JPH1: variants seen among roughly 807,000 people sequenced by gnomAD.
JPH1 encodes the protein junctophilin-1.
Under a neutral mutation model 53.6 loss-of-function variants are expected in JPH1, and 12 were observed. That is an observed-to-expected ratio of 0.22 (90% CI 0.14 to 0.36). The LOEUF is 0.36. JPH1 is among the 10% of genes least tolerant of loss of function. The pLI, the probability that JPH1 is intolerant of heterozygous loss-of-function variation, is 1.00. For synonymous variants in JPH1, 375 were observed against 363.8 expected (o/e 1.03, Z -0.35); for missense variants, 808 against 905.5 (o/e 0.89, Z 1.38).
intron 2 of JPH1, among the ~76,000 whole-genome samples, chr8:74,287,912 A>G (rs1440429862): frequency 6.6e-6 from 1 of 152,148 alleles, no homozygotes. Context: ...AAGAGAAAAC[A>G]TCTATGTCGT....
intron 2 of JPH1, among the ~76,000 whole-genome samples, chr8:74,305,866 T>C (rs1807816343): frequency 6.6e-6 from 1 of 152,242 alleles, no homozygotes; most frequent in Non-Finnish European, 1.5e-5. Flanking sequence ...CCTTCCCATT[T>C]ATTATGGCCT....
intron 2 of JPH1, among the ~76,000 whole-genome samples, chr8:74,261,008 A>G (rs1213326280): frequency 2.0e-5 from 3 of 152,196 alleles, no homozygotes; most frequent in African/African-American, 7.2e-5. Context: ...CTTCCTTAGG[A>G]AAAGCTGGGT....
At chr8:74,272,732 T>C (rs545512790) in intron 2 of JPH1, among the ~76,000 whole-genome samples, 22 of 152,042 alleles carry the variant, frequency 1.4e-4, no homozygotes, top group Admixed American at 1.0e-3. Context: ...GCCTCCCGTG[T>C]AGCTGGGACT....
chr8:74,310,222 G>C (rs1807951827), intron 2 of JPH1, among the ~76,000 whole-genome samples: 1 of 151,090 alleles, frequency 6.6e-6, no homozygotes, highest in African/African-American at 2.4e-5. Context: ...AGCAGTCTCA[G>C]TAGCTTCTAG....
chr8:74,271,266 C>T (rs1221602385), intron 2 of JPH1, among the ~76,000 whole-genome samples: 3 of 151,626 alleles, frequency 2.0e-5, no homozygotes, highest in African/African-American at 7.3e-5. Context: ...GGCCCACCCT[C>T]CCCCTTGTTG....
At chr8:74,273,003 C>T (rs1806750709) in intron 2 of JPH1, among the ~76,000 whole-genome samples, 1 of 152,184 alleles carries the variant, frequency 6.6e-6, no homozygotes, top group South Asian at 2.1e-4. Flanking sequence ...AACAGTTTGT[C>T]TATCTTGGCT....
chr8:74,280,168 T>G (rs1355689360), intron 2 of JPH1, among the ~76,000 whole-genome samples: 1 of 152,208 alleles, frequency 6.6e-6, no homozygotes. Flanking sequence ...TAACTGTAGA[T>G]TGCAAAGTCT....
At chr8:74,240,066 GCT>G (rs901578811) in intron 4 of JPH1, among the ~76,000 whole-genome samples, 2 of 152,050 alleles carry the variant, frequency 1.3e-5, no homozygotes, top group African/African-American at 4.8e-5. Context: ...CTGCCTCCTG[GCT>G]TCAAGTGATT....
chr8:74,242,180 A>G (rs1254218116), intron 4 of JPH1, among the ~76,000 whole-genome samples: 1 of 152,176 alleles, frequency 6.6e-6, no homozygotes, highest in Non-Finnish European at 1.5e-5. Flanking sequence ...CTGTATTTCT[A>G]GGAGATCAAT....
chr8:74,259,342 A>T, intron 3 of JPH1, 43 bp downstream of exon 3: 1 of 1,411,340 alleles, frequency 7.1e-7, no homozygotes, highest in Non-Finnish European at 1.0e-6. Flanking sequence ...AGCAAGCCAA[A>T]GCCAGTGCTC....
chr8:74,240,469 G>A (rs1206139930), intron 4 of JPH1, among the ~76,000 whole-genome samples: 1 of 151,578 alleles, frequency 6.6e-6, no homozygotes, highest in Non-Finnish European at 1.5e-5. Context: ...GAGTGTGATC[G>A]CTTTAATTTT....
intron 2 of JPH1, among the ~76,000 whole-genome samples, chr8:74,298,332 C>A (rs886554433): frequency 2.0e-5 from 3 of 152,182 alleles, no homozygotes; most frequent in East Asian, 1.9e-4. Context: ...TTGTTGTATA[C>A]AAGATGGGTT....
At chr8:74,265,124 GAATA>G (rs939623517) in intron 2 of JPH1, among the ~76,000 whole-genome samples, 141 of 152,228 alleles carry the variant, frequency 9.3e-4, no homozygotes, top group African/African-American at 3.2e-3. Flanking sequence ...TTGGAAAGCA[GAATA>G]AATAAATGAA....
intron 3 of JPH1, among the ~76,000 whole-genome samples, chr8:74,246,645 A>G (rs1805870744): frequency 6.6e-6 from 1 of 152,224 alleles, no homozygotes; most frequent in Admixed American, 6.5e-5. Context: ...AGAAAAAAAC[A>G]TAATGCAACA....
At chr8:74,282,629 G>A (rs538572896) in intron 2 of JPH1, among the ~76,000 whole-genome samples, 1 of 152,314 alleles carries the variant, frequency 6.6e-6, no homozygotes, top group South Asian at 2.1e-4. Context: ...GAAGTAGAGA[G>A]TAAAATAGTG....
At chr8:74,256,419 C>G in intron 3 of JPH1, among the ~76,000 whole-genome samples, 1 of 151,728 alleles carries the variant, frequency 6.6e-6, no homozygotes, top group East Asian at 1.9e-4. Flanking sequence ...GGAGGGATAG[C>G]ATTAGGAGAT....
intron 2 of JPH1, among the ~76,000 whole-genome samples, chr8:74,296,782 T>C (rs1019607491): frequency 1.3e-5 from 2 of 152,198 alleles, no homozygotes; most frequent in Non-Finnish European, 2.9e-5. Context: ...TTATAGCGTA[T>C]AACGTGATGC....
At chr8:74,297,260 A>G (rs752762188) in intron 2 of JPH1, among the ~76,000 whole-genome samples, 1 of 152,236 alleles carries the variant, frequency 6.6e-6, no homozygotes, top group African/African-American at 2.4e-5. Flanking sequence ...CCTCTCAAGC[A>G]GGGACTTGCC....
At chr8:74,260,099 C>T (rs901535183) in intron 2 of JPH1, among the ~76,000 whole-genome samples, 3 of 152,174 alleles carry the variant, frequency 2.0e-5, no homozygotes, top group African/African-American at 7.2e-5. Context: ...TTGGTGCTCA[C>T]CAGCAGGAGC....
Sources: allele counts gnomAD v4.1 joint callset (sites outside exome capture counted in the v4.1 genomes callset), GRCh38; gene constraint gnomAD v4.1.1; transcripts MANE v1.5; gene names NCBI Gene and HGNC (gene_info 2026-07-23, HGNC 2026-07-21).